PDE4D: variants seen among roughly 807,000 people sequenced by gnomAD.
The protein encoded by PDE4D is phosphodiesterase 4D, also known as 3',5'-cyclic-AMP phosphodiesterase 4D.
A neutral mutation model predicts 87.4 loss-of-function variants in PDE4D; 24 were observed. The ratio of observed to expected loss-of-function variants is 0.27; its 90% confidence interval spans 0.20 to 0.39. The LOEUF (loss-of-function observed/expected upper bound fraction) is 0.39. PDE4D is among the 10% of genes least tolerant of loss of function. PDE4D has a pLI of 1.00. For synonymous variants in PDE4D, 384 were observed against 383.2 expected (o/e 1.00, Z -0.02); for missense variants, 714 against 1,041.0 (o/e 0.69, Z 4.32).
chr5:60,048,103 C>T (rs989959991), intron 2 of PDE4D, among the ~76,000 whole-genome samples: 1 of 151,866 alleles, frequency 6.6e-6, no homozygotes, highest in Non-Finnish European at 1.5e-5. Context: ...TGAATTGATC[C>T]CTTTACCATT....
At chr5:60,295,265 G>A (rs1054674171) in intron 1 of PDE4D, among the ~76,000 whole-genome samples, 16 of 152,112 alleles carry the variant, frequency 1.1e-4, no homozygotes, top group African/African-American at 3.9e-4. Flanking sequence ...ATTCCTTATG[G>A]TTATTTAAGT....
intron 1 of PDE4D, among the ~76,000 whole-genome samples, chr5:59,493,626 C>G (rs1202931582): frequency 6.6e-6 from 1 of 152,146 alleles, no homozygotes; most frequent in Admixed American, 6.6e-5. Flanking sequence ...TCTCTAACAA[C>G]CAGCAACTCA....
At chr5:59,227,198 A>G (rs1753981050) in intron 1 of PDE4D, among the ~76,000 whole-genome samples, 1 of 152,186 alleles carries the variant, frequency 6.6e-6, no homozygotes, top group Non-Finnish European at 1.5e-5. Flanking sequence ...CATCAAGCTA[A>G]AGTCCAAAGA....
chr5:60,364,711 T>C (rs1760372462), intron 1 of PDE4D, among the ~76,000 whole-genome samples: 2 of 152,156 alleles, frequency 1.3e-5, no homozygotes. Context: ...CTTGGCAGAG[T>C]GCCATTGGTG....
At chr5:60,417,719 GA>G (rs1048448216) in intron 1 of PDE4D, among the ~76,000 whole-genome samples, 5 of 151,482 alleles carry the variant, frequency 3.3e-5, no homozygotes, top group Non-Finnish European at 5.9e-5. Flanking sequence ...CCAAGAAGAA[GA>G]AAAAAAACTC....
intron 4 of PDE4D, among the ~76,000 whole-genome samples, chr5:59,184,890 G>T (rs1318552366): frequency 1.3e-5 from 2 of 152,158 alleles, no homozygotes; most frequent in Non-Finnish European, 2.9e-5. Context: ...AATTTATGAA[G>T]TAAGCCGAAA....
intron 6 of PDE4D, among the ~76,000 whole-genome samples, chr5:59,032,689 G>C (rs1757785148): frequency 6.6e-6 from 1 of 152,218 alleles, no homozygotes; most frequent in South Asian, 2.1e-4. Flanking sequence ...AGAAATATGT[G>C]ACACAGAGTT....
chr5:60,164,499 T>G (rs748699630), intron 2 of PDE4D, among the ~76,000 whole-genome samples: 21 of 152,272 alleles, frequency 1.4e-4, no homozygotes, highest in Admixed American at 3.9e-4. Flanking sequence ...AAAGATGGAT[T>G]TTTTCAATAA....
intron 5 of PDE4D, among the ~76,000 whole-genome samples, chr5:59,101,880 T>C (rs1363762554): frequency 1.3e-5 from 2 of 152,052 alleles, no homozygotes; most frequent in African/African-American, 4.8e-5. Context: ...GTACCAGTAG[T>C]GTCTTTTCCA....
intron 5 of PDE4D, among the ~76,000 whole-genome samples, chr5:59,101,869 A>G (rs1770788004): frequency 6.6e-6 from 1 of 152,124 alleles, no homozygotes; most frequent in Admixed American, 6.6e-5. Context: ...CATAGGACAC[A>G]GTACCAGTAG....
chr5:59,470,851 C>T (rs1802330101), intron 1 of PDE4D, among the ~76,000 whole-genome samples: 1 of 151,912 alleles, frequency 6.6e-6, no homozygotes, highest in African/African-American at 2.4e-5. Context: ...TAAGGTGCTC[C>T]ACTATTAAAT....
intron 1 of PDE4D, among the ~76,000 whole-genome samples, chr5:59,321,991 T>C (rs1460286335): frequency 1.3e-5 from 2 of 152,126 alleles, no homozygotes; most frequent in Admixed American, 1.3e-4. Flanking sequence ...ATGGCTAAAA[T>C]CTTTTGCTAC....
chr5:60,340,607 T>TA (rs10583972), intron 1 of PDE4D, among the ~76,000 whole-genome samples: 16 of 138,554 alleles, frequency 1.2e-4, no homozygotes, highest in Non-Finnish European at 1.7e-4. Flanking sequence ...TCACATCATT[T>TA]AAAAAAAAAA....
At chr5:59,486,405 C>T (rs1805164513) in intron 1 of PDE4D, among the ~76,000 whole-genome samples, 1 of 152,170 alleles carries the variant, frequency 6.6e-6, no homozygotes, top group African/African-American at 2.4e-5. Flanking sequence ...TTAACTACTC[C>T]TGCTCTAACA....
intron 1 of PDE4D, among the ~76,000 whole-genome samples, chr5:60,409,075 A>G (rs747424830): frequency 5.9e-5 from 9 of 152,170 alleles, no homozygotes; most frequent in Non-Finnish European, 8.8e-5. Context: ...GTAGAAAGAC[A>G]AAAAAATGTG....
At chr5:59,263,550 T>C (rs988973752) in intron 1 of PDE4D, among the ~76,000 whole-genome samples, 5 of 152,004 alleles carry the variant, frequency 3.3e-5, no homozygotes, top group Non-Finnish European at 5.9e-5. Context: ...TAGTCATATA[T>C]ACCAAATTAT....
chr5:59,416,944 A>G (rs902277863), intron 1 of PDE4D, among the ~76,000 whole-genome samples: 6 of 152,190 alleles, frequency 3.9e-5, no homozygotes, highest in African/African-American at 1.2e-4. Context: ...TATATTTTAT[A>G]TAATTCTGTG....
Position 58,972,622 on chromosome 5 carries a change from T to A in PDE4D, c.*2042A>T, listed in dbSNP as rs181959249. 6.6e-6 allele frequency: 1 copy of A among 152,322 alleles called. No homozygotes were observed. Among genetic ancestry groups the A allele is most frequent in the Admixed American group, 6.5e-5 (1 of 15,284 alleles). 9.4% of individuals were successfully genotyped at this position (152,322 alleles called of 1,614,324 possible). A position where few individuals can be genotyped will look rare whatever the true frequency, so the allele number is the denominator to read the frequency against. Reference sequence around the variant, plus strand: ...GATTTTCCACTTGTCAGATACCCACTTTGGCTTCTATCTATCTCAATTCTT... The same window carrying A: ...GATTTTCCACTTGTCAGATACCCACATTGGCTTCTATCTATCTCAATTCTT... On this transcript the variant is annotated 3_prime_UTR_variant, in exon 15 of 15. Coordinates refer to ENST00000340635, the MANE Select transcript of PDE4D (RefSeq NM_001104631.2).
rs147009460 is a variant in PDE4D at position 59,235,257 on chromosome 5, C to G, written c.456-19289G>C. Among the ~76,000 whole-genome samples the G allele has an allele frequency of 2.8e-4, 42 of 152,284 alleles. 2 individuals are homozygous for G. The East Asian group carries it at 8.1e-3, about 29-fold the overall frequency. On this transcript the variant is annotated intron_variant, in intron 1 of 14. Transcript: ENST00000340635. ...ATGTCCAAAAAGAGTTCCATCTGTG[C>G]CCCTGATGGTCAGATAACCTGTCCT...
Sources: allele counts gnomAD v4.1 joint callset (sites outside exome capture counted in the v4.1 genomes callset), GRCh38; gene constraint gnomAD v4.1.1; transcripts MANE v1.5; gene names NCBI Gene and HGNC (gene_info 2026-07-23, HGNC 2026-07-21).